Variants in OSBPL1A observed in about 807,000 individuals in gnomAD.
OSBPL1A encodes oxysterol-binding protein-related protein 1.
Under a neutral mutation model 137.1 loss-of-function variants are expected in OSBPL1A, and 80 were observed. The ratio of observed to expected loss-of-function variants is 0.58; its 90% CI spans 0.49 to 0.70. The LOEUF (loss-of-function observed/expected upper bound fraction) is 0.70. OSBPL1A is among the 30% of genes least tolerant of loss of function. The pLI is 0.00. For synonymous variants in OSBPL1A, 365 were observed against 389.7 expected, an observed-to-expected ratio of 0.94 and a Z score of 0.75; for missense variants, 970 against 1,129.4, an observed-to-expected ratio of 0.86 and a Z score of 2.02.
chr18:24,270,242 A>G (rs2089685045), intron 15 of OSBPL1A, among the ~76,000 whole-genome samples: 1 of 152,242 alleles, frequency 6.6e-6, no homozygotes, highest in South Asian at 2.1e-4. Flanking sequence ...AAAATTGTAC[A>G]TGGAGCTTAG....
At chr18:24,257,030 A>C (rs1268144687) in intron 15 of OSBPL1A, among the ~76,000 whole-genome samples, 1 of 150,516 alleles carries the variant, frequency 6.6e-6, no homozygotes, top group Non-Finnish European at 1.5e-5. Flanking sequence ...GAAAATGAGT[A>C]CTGTTAAAAT....
chr18:24,223,962 T>C (rs2087978391), intron 17 of OSBPL1A, among the ~76,000 whole-genome samples: 1 of 152,172 alleles, frequency 6.6e-6, no homozygotes, highest in Admixed American at 6.5e-5. Context: ...AATAGAATTT[T>C]GTACTGCACT....
chr18:24,358,176 C>A, intron 4 of OSBPL1A: 1 of 446,376 alleles, frequency 2.2e-6, no homozygotes. Flanking sequence ...GGTAAATGGA[C>A]AAGGGCAGCA....
chr18:24,373,667 C>A (rs1206291778), intron 2 of OSBPL1A, among the ~76,000 whole-genome samples: 1 of 152,106 alleles, frequency 6.6e-6, no homozygotes, highest in East Asian at 1.9e-4. Context: ...TGACTGTTAA[C>A]CTTTAATTCT....
chr18:24,235,709 C>T (rs2088447517), intron 16 of OSBPL1A, among the ~76,000 whole-genome samples: 2 of 152,284 alleles, frequency 1.3e-5, no homozygotes, highest in South Asian at 4.2e-4. Flanking sequence ...ATATGTAAGT[C>T]TCTAGCAAGA....
At chr18:24,329,791 G>A (rs2091043418) in intron 7 of OSBPL1A, among the ~76,000 whole-genome samples, 1 of 151,984 alleles carries the variant, frequency 6.6e-6, no homozygotes, top group Non-Finnish European at 1.5e-5. Context: ...TATAAAAAAA[G>A]TCTCTAAACT....
intron 17 of OSBPL1A, among the ~76,000 whole-genome samples, chr18:24,218,645 T>A (rs1599510875): frequency 6.6e-6 from 1 of 152,038 alleles, no homozygotes; most frequent in Admixed American, 6.6e-5. Flanking sequence ...GGGGTTTCAC[T>A]ATGTTGGCCA....
chr18:24,223,845 G>A (rs767613921), intron 17 of OSBPL1A, among the ~76,000 whole-genome samples: 2 of 152,258 alleles, frequency 1.3e-5, no homozygotes, highest in Middle Eastern at 3.4e-3. Flanking sequence ...GATTTCACCT[G>A]TGTTCTCATC....
At chr18:24,218,855 A>G (rs1567953470) in intron 17 of OSBPL1A, among the ~76,000 whole-genome samples, 1 of 152,208 alleles carries the variant, frequency 6.6e-6, no homozygotes. Flanking sequence ...GTATGCATAT[A>G]TTAGCTCGAT....
At chr18:24,378,023 G>A (rs1246231688) in intron 1 of OSBPL1A, among the ~76,000 whole-genome samples, 2 of 152,060 alleles carry the variant, frequency 1.3e-5, no homozygotes, top group Non-Finnish European at 2.9e-5. Flanking sequence ...GAATCATTCT[G>A]AATAGAAACT....
chr18:24,329,590 G>A (rs752810758), intron 7 of OSBPL1A, among the ~76,000 whole-genome samples: 64 of 150,788 alleles, frequency 4.2e-4, no homozygotes, highest in Non-Finnish European at 7.4e-4. Context: ...CTAGCCTTAT[G>A]TAATACAAAT....
At chr18:24,294,006 A>G (rs1197949345) in intron 14 of OSBPL1A, among the ~76,000 whole-genome samples, 1 of 152,132 alleles carries the variant, frequency 6.6e-6, no homozygotes, top group South Asian at 2.1e-4. Flanking sequence ...GATTTTGAGG[A>G]AACAGTTTTA....
At chr18:24,358,642 T>C in intron 4 of OSBPL1A, 1 of 646,154 alleles carries the variant, frequency 1.5e-6, no homozygotes, top group African/African-American at 1.8e-5. Context: ...AATGGTCTCC[T>C]AGGAAATCCT....
chr18:24,357,005 A>C (rs2091547741), intron 4 of OSBPL1A: 1 of 152,230 alleles, frequency 6.6e-6, no homozygotes, highest in African/African-American at 2.4e-5. Flanking sequence ...GTTTGGATTC[A>C]CATGGACAAG....
At chr18:24,221,973 C>T (rs1405654446) in intron 17 of OSBPL1A, among the ~76,000 whole-genome samples, 1 of 152,126 alleles carries the variant, frequency 6.6e-6, no homozygotes, top group Non-Finnish European at 1.5e-5. Context: ...CTAATAACTT[C>T]TACAAGTTTT....
At chr18:24,241,718 C>T (rs1248443284) in intron 15 of OSBPL1A, among the ~76,000 whole-genome samples, 4 of 152,108 alleles carry the variant, frequency 2.6e-5, no homozygotes, top group African/African-American at 4.8e-5. Flanking sequence ...GACAGTGTGG[C>T]GATTCCTCAA....
intron 17 of OSBPL1A, among the ~76,000 whole-genome samples, chr18:24,199,403 T>G (rs1599479198): frequency 6.6e-6 from 1 of 151,772 alleles, no homozygotes; most frequent in African/African-American, 2.4e-5. Context: ...CCCCAGCTGC[T>G]ATGCACTTCA....
intron 13 of OSBPL1A, among the ~76,000 whole-genome samples, chr18:24,306,380 C>A (rs528520426): frequency 6.6e-6 from 1 of 152,300 alleles, no homozygotes; most frequent in East Asian, 1.9e-4. Context: ...GAGAGGAATG[C>A]ATAGGCTAGT....
At chr18:24,311,537 C>T (rs1056165257) in intron 13 of OSBPL1A, 1 of 984,370 alleles carries the variant, frequency 1.0e-6, no homozygotes, top group African/African-American at 1.7e-5. Context: ...TACCTTATCT[C>T]TTAGCAACCA....
Sources: gnomAD v4.1 joint callset for allele counts (sites outside exome capture counted in the v4.1 genomes callset) on GRCh38, gnomAD v4.1.1 for gene constraint, MANE v1.5 for transcripts, NCBI Gene and HGNC (gene_info 2026-07-23, HGNC 2026-07-21) for gene names.